SCPPPQ1: variants seen among roughly 807,000 people sequenced by gnomAD.
The protein encoded by SCPPPQ1 is secretory calcium-binding phosphoprotein proline-glutamine rich 1.
chr4:87,464,215 GA>G, the SCPPPQ1 span, among the ~76,000 whole-genome samples: 1 of 152,130 alleles, frequency 6.6e-6, no homozygotes, highest in Non-Finnish European at 1.5e-5. Context: ...TAGAATAAAG[GA>G]AACAGTCAAA....
chr4:87,468,075 A>G, the SCPPPQ1 span, among the ~76,000 whole-genome samples: 3 of 152,238 alleles, frequency 2.0e-5, no homozygotes, highest in African/African-American at 7.2e-5. Flanking sequence ...CACTAAAGAG[A>G]GGTTTTGTTC....
the SCPPPQ1 span, among the ~76,000 whole-genome samples, chr4:87,464,709 G>A: frequency 5.9e-5 from 9 of 152,180 alleles, no homozygotes; most frequent in East Asian, 1.2e-3. Flanking sequence ...GTGGTAGTGC[G>A]TCCCTGTAGT....
At chr4:87,466,723 A>G in the SCPPPQ1 span, among the ~76,000 whole-genome samples, 1 of 152,280 alleles carries the variant, frequency 6.6e-6, no homozygotes, top group Admixed American at 6.5e-5. Flanking sequence ...AGCAAGATGT[A>G]GTTTTAAAAT....
At chr4:87,462,826 C>T in the SCPPPQ1 span, among the ~76,000 whole-genome samples, 9 of 152,042 alleles carry the variant, frequency 5.9e-5, no homozygotes, top group Admixed American at 4.6e-4. Context: ...GGTGAAACCC[C>T]GTCTCTACTA....
the SCPPPQ1 span, among the ~76,000 whole-genome samples, chr4:87,469,691 C>T: frequency 6.6e-6 from 1 of 152,040 alleles, no homozygotes; most frequent in Non-Finnish European, 1.5e-5. Flanking sequence ...GAGATCATTT[C>T]GAGTTTTTTT....
chr4:87,465,316 A>C, the SCPPPQ1 span, among the ~76,000 whole-genome samples: 1 of 152,140 alleles, frequency 6.6e-6, no homozygotes, highest in African/African-American at 2.4e-5. Context: ...GGTCTTAGGT[A>C]ATTCAGTTTT....
the SCPPPQ1 span, among the ~76,000 whole-genome samples, chr4:87,467,547 C>T: frequency 7.9e-5 from 12 of 152,154 alleles, no homozygotes; most frequent in African/African-American, 2.4e-4. Context: ...AAGCTCGTAA[C>T]GGTCAAAGTA....
At chr4:87,465,044 T>G in the SCPPPQ1 span, among the ~76,000 whole-genome samples, 1 of 152,304 alleles carries the variant, frequency 6.6e-6, no homozygotes, top group African/African-American at 2.4e-5. Context: ...TAGGATATAT[T>G]ACATTTCAAT....
the SCPPPQ1 span, among the ~76,000 whole-genome samples, chr4:87,462,501 CTTTT>C: frequency 2.3e-5 from 3 of 128,778 alleles, no homozygotes; most frequent in South Asian, 2.4e-4. Flanking sequence ...TTCTTTCTTT[CTTTT>C]TTTTGGTATG....
At chr4:87,469,420 G>A in the SCPPPQ1 span, among the ~76,000 whole-genome samples, 59,439 of 152,032 alleles carry the variant, frequency 0.39, 12,481 homozygotes, top group African/African-American at 0.54. Flanking sequence ...GCTGAGATTT[G>A]TACTGGGCAG....
the SCPPPQ1 span, among the ~76,000 whole-genome samples, chr4:87,464,696 A>G: frequency 2.0e-5 from 3 of 152,062 alleles, no homozygotes; most frequent in Non-Finnish European, 2.9e-5. Flanking sequence ...AAATTAGCCC[A>G]GCGTGGTAGT....
the SCPPPQ1 span, among the ~76,000 whole-genome samples, chr4:87,466,997 C>T: frequency 6.6e-6 from 1 of 152,158 alleles, no homozygotes; most frequent in Non-Finnish European, 1.5e-5. Flanking sequence ...TAATTTTCTA[C>T]CCGCAAATTG....
chr4:87,461,965 A>ACCATACGTAACTT, the SCPPPQ1 span: 4 of 152,198 alleles, frequency 2.6e-5, no homozygotes, highest in Non-Finnish European at 4.4e-5. Context: ...GATTTTACTA[A>ACCATACGTAACTT]CCATACGTAA....
the SCPPPQ1 span, among the ~76,000 whole-genome samples, chr4:87,465,839 T>A: frequency 6.6e-6 from 1 of 152,178 alleles, no homozygotes; most frequent in African/African-American, 2.4e-5. Flanking sequence ...TTAATTTATC[T>A]AACTTAAAGC....
At chr4:87,463,531 T>A in the SCPPPQ1 span, among the ~76,000 whole-genome samples, 1 of 152,196 alleles carries the variant, frequency 6.6e-6, no homozygotes, top group Non-Finnish European at 1.5e-5. Context: ...CAAGTTAGTA[T>A]ACTTTGTATA....
At chr4:87,470,763 A>G in the SCPPPQ1 span, among the ~76,000 whole-genome samples, 4 of 152,184 alleles carry the variant, frequency 2.6e-5, no homozygotes, top group Non-Finnish European at 5.9e-5. Context: ...CATCTGTTAT[A>G]TATATCTAAA....
At chr4:87,468,127 C>T in the SCPPPQ1 span, among the ~76,000 whole-genome samples, 4 of 152,182 alleles carry the variant, frequency 2.6e-5, no homozygotes, top group Admixed American at 2.0e-4. Flanking sequence ...GCATTATACC[C>T]ATCAGTAATG....
the SCPPPQ1 span, chr4:87,461,102 A>G: frequency 6.6e-6 from 1 of 152,582 alleles, no homozygotes; most frequent in Non-Finnish European, 1.5e-5. Flanking sequence ...TGTAAAATGA[A>G]TGTTTTTTAT....
chr4:87,466,303 G>A, the SCPPPQ1 span, among the ~76,000 whole-genome samples: 45 of 152,044 alleles, frequency 3.0e-4, 1 homozygote, highest in Non-Finnish European at 1.2e-4. Context: ...CTGGGAGGCG[G>A]AGGTTGCAGT....
Sources: gnomAD v4.1 joint callset for allele counts (sites outside exome capture counted in the v4.1 genomes callset) on GRCh38, gnomAD v4.1.1 for gene constraint, MANE v1.5 for transcripts, NCBI Gene and HGNC (gene_info 2026-07-23, HGNC 2026-07-21) for gene names.